Variants in ADCY2 observed in about 807,000 individuals in gnomAD.
ADCY2 encodes adenylate cyclase type 2.
In ADCY2, 31 loss-of-function variants were observed where a neutral mutation model predicts 125.2. The ratio of observed to expected loss-of-function variants is 0.25; its 90% confidence interval spans 0.19 to 0.33. The LOEUF is 0.33. ADCY2 is among the 10% of genes least tolerant of loss of function. The probability of loss-of-function intolerance (pLI) is 1.00; values close to 1 mark genes in which losing one functional copy is unlikely to be tolerated. For synonymous variants in ADCY2, 512 were observed against 548.4 expected, an observed-to-expected ratio of 0.93 and a Z score of 0.93; for missense variants, 904 against 1,418.2, an observed-to-expected ratio of 0.64 and a Z score of 5.82.
At position 7,506,789 on chromosome 5, in the gene ADCY2, C is replaced by CTTTTTTTTTTT. The variant is rs70940743; in HGVS notation, c.409-13930_409-13920dup. On this transcript the variant is annotated intron_variant, in intron 2 of 24. Coordinates refer to ENST00000338316, the MANE Select transcript of ADCY2 (RefSeq NM_020546.3). Reference sequence around the variant, plus strand: ...AGGGGTAAATGTGTGATGCGTTGCTCTTTTTTTTTTTTTTTTTTTTTTTTT... The same window carrying CTTTTTTTTTTT: ...AGGGGTAAATGTGTGATGCGTTGCTCTTTTTTTTTTTTTTTTTTTTTTTTTTTTTTTTTTTT... Among the ~76,000 whole-genome samples, 10 of 55,060 alleles carry CTTTTTTTTTTT rather than the reference C, an allele frequency of 1.8e-4. 3 individuals are homozygous for CTTTTTTTTTTT. The highest frequency in any genetic ancestry group is 3.3e-4 in the Non-Finnish European group (10 of 30,662). 36.1% of individuals were successfully genotyped at this position (55,060 alleles called of 152,430 possible). A position where few individuals can be genotyped will look rare whatever the true frequency, so the allele number is the denominator to read the frequency against.
intron 3 of ADCY2, among the ~76,000 whole-genome samples, chr5:7,598,492 A>G (rs572936303): frequency 3.9e-5 from 6 of 152,328 alleles, no homozygotes; most frequent in Admixed American, 3.3e-4. Context: ...TTTTTGTACT[A>G]TATCTCAAAC....
At chr5:7,578,947 G>A (rs1295355227) in intron 3 of ADCY2, among the ~76,000 whole-genome samples, 1 of 152,172 alleles carries the variant, frequency 6.6e-6, no homozygotes, top group African/African-American at 2.4e-5. Context: ...AACAGAGATG[G>A]ACTCCACGTA....
intron 2 of ADCY2, among the ~76,000 whole-genome samples, chr5:7,499,263 C>T (rs1743458137): frequency 6.6e-6 from 1 of 152,098 alleles, no homozygotes; most frequent in Non-Finnish European, 1.5e-5. Context: ...ATCTCGGCCT[C>T]CCAAAGTGCT....
At chr5:7,643,966 A>C (rs1040481806) in intron 4 of ADCY2, among the ~76,000 whole-genome samples, 1 of 151,422 alleles carries the variant, frequency 6.6e-6, no homozygotes, top group Non-Finnish European at 1.5e-5. Flanking sequence ...ACATTTTAAC[A>C]ATATAATTAT....
At position 7,396,593 on chromosome 5, in the gene ADCY2, TGCCCCTCGGCCCGCGGCA is replaced by T. The variant is rs761591586; in HGVS notation, c.210+123_210+140del. 96,509 of 1,010,340 alleles carry T rather than the reference TGCCCCTCGGCCCGCGGCA, an allele frequency of 0.096. 12,713 individuals are homozygous for T. Among genetic ancestry groups the T allele is most frequent in the Middle Eastern group, 0.11 (308 of 2,858 alleles). The allele number at this position is 1,010,340 out of a possible 1,614,324, so 62.6% of individuals were successfully genotyped here. On this transcript the variant is annotated intron_variant, in intron 1 of 24. Coordinates refer to ENST00000338316, the MANE Select transcript of ADCY2 (RefSeq NM_020546.3). This position sits in a 1 kb window ranked among gnomAD's most constrained non-coding sequence, Gnocchi z 5.7. ...AGCCGAGCCGCGTCCCGCTCCGGGC[TGCCCCTCGGCCCGCGGCA>T]GCCCCTCGGCCCGCGGCAGCCCCTC...
At chr5:7,399,806 A>C (rs1026382838) in intron 1 of ADCY2, among the ~76,000 whole-genome samples, 1 of 152,240 alleles carries the variant, frequency 6.6e-6, no homozygotes, top group African/African-American at 2.4e-5. Flanking sequence ...AGTGCCAGGA[A>C]TGGCAATAAT....
Position 7,685,889 on chromosome 5 carries a change from C to T in ADCY2, c.721-4802C>T, listed in dbSNP as rs1349267602. Among the ~76,000 whole-genome samples, 4 of 152,176 alleles carry T rather than the reference C, an allele frequency of 2.6e-5. No homozygotes were observed. In the East Asian group the frequency reaches 7.7e-4, roughly 29 times the overall value. Reference sequence around the variant, plus strand: ...ACATGGGTGAAGGAGCCACAGGTGGCCCAATGGCTGCTTAGGGATCTGGTG... The same window carrying T: ...ACATGGGTGAAGGAGCCACAGGTGGTCCAATGGCTGCTTAGGGATCTGGTG... On this transcript the variant is annotated intron_variant, in intron 4 of 24. Transcript: ENST00000338316.
intron 14 of ADCY2, among the ~76,000 whole-genome samples, chr5:7,740,106 A>T (rs1023018080): frequency 1.3e-5 from 2 of 152,088 alleles, no homozygotes; most frequent in South Asian, 4.1e-4. Context: ...AATCTACACC[A>T]CGTGTAGGAG....
In ADCY2 at chr5:7,492,174, A is replaced by G. The variant is rs191599882; in HGVS notation, c.409-28564A>G. Among the ~76,000 whole-genome samples the G allele has an allele frequency of 2.0e-3, 305 of 152,346 alleles. 1 individual carries two copies. The highest frequency in any genetic ancestry group is 6.9e-3 in the African/African-American group (285 of 41,574). On this transcript the variant is annotated intron_variant, in intron 2 of 24. Coordinates refer to ENST00000338316, the MANE Select transcript of ADCY2 (RefSeq NM_020546.3). Reference sequence around the variant, plus strand: ...GGGGAACCTAGAAAGGGACCATCACAAGGATGGAGGTGAGAAGGACACAAA... The same window carrying G: ...GGGGAACCTAGAAAGGGACCATCACGAGGATGGAGGTGAGAAGGACACAAA...
At chr5:7,525,024 A>G (rs947498758) in intron 3 of ADCY2, among the ~76,000 whole-genome samples, 1 of 152,010 alleles carries the variant, frequency 6.6e-6, no homozygotes, top group Non-Finnish European at 1.5e-5. Context: ...TTTTTTAGAG[A>G]TGGAGTCTCG....
chr5:7,525,830 A>G (rs1234467551), intron 3 of ADCY2, among the ~76,000 whole-genome samples: 8 of 152,094 alleles, frequency 5.3e-5, no homozygotes, highest in Admixed American at 3.3e-4. Flanking sequence ...GATTTCCTTT[A>G]TTGGACCAAT....
intron 6 of ADCY2, among the ~76,000 whole-genome samples, chr5:7,697,185 A>G (rs1740922243): frequency 6.6e-6 from 1 of 152,068 alleles, no homozygotes; most frequent in Non-Finnish European, 1.5e-5. Context: ...CTATTGCCAA[A>G]TAGGTTCACA....
chr5:7,411,466 T>C (rs1329534240), intron 1 of ADCY2, among the ~76,000 whole-genome samples: 1 of 152,228 alleles, frequency 6.6e-6, no homozygotes, highest in Non-Finnish European at 1.5e-5. Flanking sequence ...TGCAACTGCA[T>C]TGTCATAAAG....
At chr5:7,549,205 G>A (rs1325560746) in intron 3 of ADCY2, among the ~76,000 whole-genome samples, 3 of 152,192 alleles carry the variant, frequency 2.0e-5, no homozygotes, top group Non-Finnish European at 2.9e-5. Context: ...GTGACTGACA[G>A]CAGAGCTGCT....
chr5:7,815,254 A>C (rs2126535937), intron 22 of ADCY2, among the ~76,000 whole-genome samples: 1 of 152,300 alleles, frequency 6.6e-6, no homozygotes, highest in Admixed American at 6.5e-5. Context: ...GTGGAGACAC[A>C]GATTAATAGA....
At chr5:7,633,084 G>T (rs528575046) in intron 4 of ADCY2, among the ~76,000 whole-genome samples, 1 of 152,008 alleles carries the variant, frequency 6.6e-6, no homozygotes, top group African/African-American at 2.4e-5. Flanking sequence ...GGCCATTATA[G>T]GGGTTTACAA....
chr5:7,438,508 A>T (rs943300451), intron 2 of ADCY2, among the ~76,000 whole-genome samples: 7 of 152,280 alleles, frequency 4.6e-5, no homozygotes, highest in African/African-American at 9.6e-5. Context: ...GACTTGGATG[A>T]TGTAGGAGAC....
intron 2 of ADCY2, among the ~76,000 whole-genome samples, chr5:7,460,685 G>A (rs1392202714): frequency 1.3e-5 from 2 of 151,842 alleles, no homozygotes; most frequent in Non-Finnish European, 2.9e-5. Flanking sequence ...TGTACACTAA[G>A]TGTCTTAATT....
At chr5:7,631,444 T>C (rs915279871) in intron 4 of ADCY2, among the ~76,000 whole-genome samples, 15 of 152,176 alleles carry the variant, frequency 9.9e-5, no homozygotes, top group Non-Finnish European at 1.5e-5. Context: ...GATCACTCAG[T>C]GAGTAAGTGT....
Sources: allele counts gnomAD v4.1 joint callset (sites outside exome capture counted in the v4.1 genomes callset), GRCh38; gene constraint gnomAD v4.1.1; non-coding constraint Gnocchi (gnomAD v3.1); transcripts MANE v1.5; gene names NCBI Gene and HGNC (gene_info 2026-07-23, HGNC 2026-07-21).